PTPRD: variants seen among roughly 807,000 people sequenced by gnomAD.
The protein encoded by PTPRD is protein tyrosine phosphatase receptor type D, also known as receptor-type tyrosine-protein phosphatase delta.
Under a neutral mutation model 214.5 loss-of-function variants are expected in PTPRD, and 34 were observed. The observed-to-expected ratio is 0.16, with a 90% CI of 0.12 to 0.21. The LOEUF (loss-of-function observed/expected upper bound fraction) is 0.21, where lower values mean the gene tolerates loss of function less well. Ranked by LOEUF, PTPRD falls within the 10% of genes least tolerant of loss-of-function variation. The pLI, the probability that PTPRD is intolerant of heterozygous loss-of-function variation, is 1.00. For synonymous variants in PTPRD, 1,128 were observed against 845.7 expected (o/e 1.33, Z -5.79); for missense variants, 2,545 against 2,398.7 (o/e 1.06, Z -1.27).
intron 3 of PTPRD, among the ~76,000 whole-genome samples, chr9:10,265,725 G>A (rs2025152): frequency 0.56 from 85,191 of 151,972 alleles, 25,555 homozygotes; most frequent in East Asian, 0.71. Context: ...CAAATAGGCA[G>A]CATCCGGACC....
intron 5 of PTPRD, among the ~76,000 whole-genome samples, chr9:9,874,384 G>A (rs1312089001): frequency 6.6e-6 from 1 of 152,134 alleles, no homozygotes; most frequent in African/African-American, 2.4e-5. Flanking sequence ...CATGAGTGAT[G>A]TTATACAGGA....
chr9:10,202,734 G>A (rs1452347480), intron 3 of PTPRD, among the ~76,000 whole-genome samples: 3 of 142,074 alleles, frequency 2.1e-5, no homozygotes, highest in Non-Finnish European at 4.5e-5. Flanking sequence ...TTAATTATAT[G>A]TCAATGTATG....
intron 3 of PTPRD, among the ~76,000 whole-genome samples, chr9:10,270,409 CAA>C (rs1181493179): frequency 4.6e-5 from 7 of 152,074 alleles, no homozygotes; most frequent in Non-Finnish European, 7.4e-5. Context: ...AGTTGAATTT[CAA>C]AGAGTTTGAA....
At chr9:10,079,912 T>A (rs10958877) in intron 3 of PTPRD, among the ~76,000 whole-genome samples, 17,773 of 151,160 alleles carry the variant, frequency 0.12, 3,047 homozygotes, top group African/African-American at 0.38. Flanking sequence ...CTTCAGAGTA[T>A]CCAAGGTAAT....
chr9:10,455,670 A>G (rs1382289541), intron 2 of PTPRD, among the ~76,000 whole-genome samples: 1 of 151,782 alleles, frequency 6.6e-6, no homozygotes, highest in African/African-American at 2.4e-5. Flanking sequence ...TATGGGACAT[A>G]TTCATCCTTT....
At position 9,642,182 on chromosome 9, in the gene PTPRD, G is replaced by A. The variant is rs569304862; in HGVS notation, c.-286-67401C>T. Among the ~76,000 whole-genome samples the A allele has an allele frequency of 3.1e-4, 43 of 137,294 alleles. No homozygotes were observed. The South Asian group carries it at 4.6e-3, about 15-fold the overall frequency. 90.1% of individuals were successfully genotyped at this position (137,294 alleles called of 152,430 possible). A position where few individuals can be genotyped will look rare whatever the true frequency, so the allele number is the denominator to read the frequency against. ...TCGCAAGAACAAAAAACCAAACACC[G>A]TATATTCTCACTCATAGGTGGGAAT... On this transcript the variant is annotated intron_variant, in intron 7 of 45. Transcript: ENST00000381196.
chr9:9,006,236 A>G (rs182488969), intron 11 of PTPRD, among the ~76,000 whole-genome samples: 13 of 151,986 alleles, frequency 8.6e-5, no homozygotes, highest in Admixed American at 3.9e-4. Flanking sequence ...TTAAAGTCTG[A>G]CTCTATTATT....
chr9:10,134,709 A>T (rs551972842), intron 3 of PTPRD, among the ~76,000 whole-genome samples: 1 of 152,204 alleles, frequency 6.6e-6, no homozygotes, highest in African/African-American at 2.4e-5. Flanking sequence ...AATTATATTA[A>T]AAAAAAGCCC....
intron 2 of PTPRD, among the ~76,000 whole-genome samples, chr9:10,452,898 G>A (rs537321981): frequency 6.6e-6 from 1 of 151,758 alleles, no homozygotes; most frequent in South Asian, 2.1e-4. Context: ...AAATCACTGT[G>A]AAGAGCATAT....
chr9:10,556,079 T>C (rs1348429335), intron 2 of PTPRD, among the ~76,000 whole-genome samples: 2 of 152,194 alleles, frequency 1.3e-5, no homozygotes, highest in Admixed American at 6.5e-5. Context: ...AACTGTTTTT[T>C]ATACTTCTGA....
At chr9:9,915,961 T>G (rs1024469479) in intron 5 of PTPRD, among the ~76,000 whole-genome samples, 1 of 151,304 alleles carries the variant, frequency 6.6e-6, no homozygotes, top group Non-Finnish European at 1.5e-5. Context: ...TTCTAAAAGC[T>G]GGAAAAGAAA....
intron 14 of PTPRD, among the ~76,000 whole-genome samples, chr9:8,613,950 GT>G (rs199925793): frequency 2.0e-3 from 299 of 146,180 alleles, no homozygotes; most frequent in African/African-American, 5.6e-3. Flanking sequence ...TATTCTTGCA[GT>G]TTTTTTTTTT....
chr9:10,323,259 TCTCCC>T (rs1158408544), intron 3 of PTPRD, among the ~76,000 whole-genome samples: 8 of 16,284 alleles, frequency 4.9e-4, no homozygotes, highest in East Asian at 3.8e-3. Flanking sequence ...CCTTCCCTTC[TCTCCC>T]CTCCCCTCCC....
rs146388724 is a variant in PTPRD, at chr9:8,656,712, C to G, written c.65-19868G>C. On this transcript the variant is annotated intron_variant, in intron 12 of 45. Transcript: ENST00000381196. The stretch of plus-strand genomic sequence containing the variant: ...TGAAATATATTTGTTTTGGATTTAG[C>G]AGAATATCTTTATATGGTTCACAGT... Among the ~76,000 whole-genome samples the G allele has an allele frequency of 2.0e-5, 3 of 152,294 alleles. No homozygotes were observed. In the East Asian group the frequency reaches 5.8e-4, roughly 29 times the overall value.
intron 11 of PTPRD, among the ~76,000 whole-genome samples, chr9:8,800,410 A>T (rs1468779699): frequency 1.3e-5 from 2 of 152,152 alleles, no homozygotes; most frequent in African/African-American, 4.8e-5. Context: ...ATGAGATAGG[A>T]GGTCAGCACA....
At chr9:9,289,408 T>C (rs948559325) in intron 9 of PTPRD, among the ~76,000 whole-genome samples, 3 of 152,030 alleles carry the variant, frequency 2.0e-5, no homozygotes, top group South Asian at 4.1e-4. Context: ...TGATTTCATA[T>C]ACTTAGACAT....
intron 2 of PTPRD, among the ~76,000 whole-genome samples, chr9:10,487,971 T>C (rs1369259573): frequency 7.7e-5 from 5 of 64,724 alleles, no homozygotes; most frequent in African/African-American, 1.9e-4. Context: ...ACACAGTCTC[T>C]CTCTCTCTCT....
At chr9:8,503,856 T>TA (rs888199023) in intron 23 of PTPRD, among the ~76,000 whole-genome samples, 9 of 152,134 alleles carry the variant, frequency 5.9e-5, no homozygotes, top group African/African-American at 2.2e-4. Context: ...CCTGTGTGCT[T>TA]AAAAAAATAA....
intron 9 of PTPRD, among the ~76,000 whole-genome samples, chr9:9,300,955 T>C (rs1265845636): frequency 2.0e-5 from 3 of 151,788 alleles, no homozygotes; most frequent in Non-Finnish European, 4.4e-5. Flanking sequence ...GCTTGGATAA[T>C]ACACTTTTCC....
Sources: gnomAD v4.1 joint callset for allele counts (sites outside exome capture counted in the v4.1 genomes callset) on GRCh38, gnomAD v4.1.1 for gene constraint, MANE v1.5 for transcripts, NCBI Gene and HGNC (gene_info 2026-07-23, HGNC 2026-07-21) for gene names.